RASEF: variants seen among roughly 807,000 people sequenced by gnomAD.
RASEF encodes the protein RAS and EF-hand domain containing, also known as ras and EF-hand domain-containing protein.
RASEF carries 68 observed loss-of-function variants against 90.1 expected under a neutral mutation model. The observed-to-expected ratio is 0.75, with a 90% CI of 0.62 to 0.92. The LOEUF (loss-of-function observed/expected upper bound fraction) is 0.92, where lower values mean the gene tolerates loss of function less well. Ranked by LOEUF, RASEF falls within the 40% of genes least tolerant of loss-of-function variation. The pLI, the probability that RASEF is intolerant of heterozygous loss-of-function variation, is 0.00. For missense variants in RASEF, 949 were observed against 937.2 expected (o/e 1.01, Z -0.16); for synonymous variants, 331 against 345.2 (o/e 0.96, Z 0.46).
chr9:83,160,745 G>C, the RASEF span, among the ~76,000 whole-genome samples: 3 of 152,152 alleles, frequency 2.0e-5, no homozygotes, highest in Non-Finnish European at 4.4e-5. Context: ...TACCACCACA[G>C]GCCCAGAGGC....
At chr9:83,129,415 A>T in the RASEF span, among the ~76,000 whole-genome samples, 1 of 152,212 alleles carries the variant, frequency 6.6e-6, no homozygotes, top group East Asian at 1.9e-4. Flanking sequence ...TCAAAAAAAA[A>T]AAAAAAAGTC....
chr9:83,174,429 A>C, the RASEF span, among the ~76,000 whole-genome samples: 1 of 152,060 alleles, frequency 6.6e-6, no homozygotes, highest in Non-Finnish European at 1.5e-5. Context: ...TTGAATTAAT[A>C]CTCTTGTAAA....
intron 12 of RASEF, among the ~76,000 whole-genome samples, chr9:82,999,881 G>T (rs536064086): frequency 9.9e-5 from 15 of 152,070 alleles, no homozygotes; most frequent in Admixed American, 5.9e-4. Context: ...TGGGATTACA[G>T]GCATGAACCA....
At chr9:83,017,817 T>G (rs1229636602) in intron 3 of RASEF, among the ~76,000 whole-genome samples, 1 of 152,218 alleles carries the variant, frequency 6.6e-6, no homozygotes, top group Admixed American at 6.5e-5. Flanking sequence ...GCAAACTGAA[T>G]TCAACAATCT....
At chr9:83,145,801 G>A in the RASEF span, among the ~76,000 whole-genome samples, 1 of 152,048 alleles carries the variant, frequency 6.6e-6, no homozygotes, top group Admixed American at 6.6e-5. Flanking sequence ...CATCTTATGT[G>A]CTATTAAGAT....
At chr9:83,160,800 T>A in the RASEF span, among the ~76,000 whole-genome samples, 1 of 152,172 alleles carries the variant, frequency 6.6e-6, no homozygotes, top group Non-Finnish European at 1.5e-5. Context: ...GTCCCTGTGC[T>A]GTGTGCAGCC....
the RASEF span, among the ~76,000 whole-genome samples, chr9:83,079,473 G>A: frequency 3.9e-4 from 60 of 152,160 alleles, no homozygotes; most frequent in African/African-American, 1.4e-3. Context: ...GAAGTCGGGT[G>A]ATACCACACA....
intron 1 of RASEF, 27 bp downstream of exon 1, chr9:83,062,409 AC>A: frequency 1.2e-6 from 2 of 1,607,086 alleles, no homozygotes; most frequent in Admixed American, 1.7e-5. Flanking sequence ...CGCCAGAATA[AC>A]CTCCCGCCCC....
chr9:83,133,289 A>G, the RASEF span, among the ~76,000 whole-genome samples: 36 of 152,292 alleles, frequency 2.4e-4, 1 homozygote, highest in East Asian at 6.6e-3. Context: ...CTCCAACACT[A>G]GTGATTAGGA....
At chr9:83,186,024 T>C in the RASEF span, among the ~76,000 whole-genome samples, 25 of 152,182 alleles carry the variant, frequency 1.6e-4, no homozygotes, top group Non-Finnish European at 3.5e-4. Flanking sequence ...CGTTTTCCCT[T>C]TCAACTGAGT....
At chr9:83,087,361 A>G in the RASEF span, among the ~76,000 whole-genome samples, 1 of 150,716 alleles carries the variant, frequency 6.6e-6, no homozygotes, top group Non-Finnish European at 1.5e-5. Context: ...TGCCTTTATC[A>G]GAAGAGACAC....
At chr9:83,055,767 T>C in intron 1 of RASEF, 1 of 664,860 alleles carries the variant, frequency 1.5e-6, no homozygotes. Flanking sequence ...ATTGCCAAAA[T>C]GAAAATAAGA....
chr9:83,113,927 C>T, the RASEF span, among the ~76,000 whole-genome samples: 1 of 152,054 alleles, frequency 6.6e-6, no homozygotes, highest in Non-Finnish European at 1.5e-5. Context: ...GTTTGTACAC[C>T]CCCTCTCCTT....
the RASEF span, among the ~76,000 whole-genome samples, chr9:83,160,462 T>C: frequency 1.3e-5 from 2 of 152,088 alleles, no homozygotes; most frequent in Non-Finnish European, 2.9e-5. Context: ...AGAGAGATGA[T>C]TTAGGGTTGG....
At chr9:83,092,659 A>C in the RASEF span, among the ~76,000 whole-genome samples, 1 of 152,106 alleles carries the variant, frequency 6.6e-6, no homozygotes, top group Non-Finnish European at 1.5e-5. Flanking sequence ...CAAAGCTTCC[A>C]CTGTGTGGAA....
chr9:83,049,413 A>T, intron 1 of RASEF: 1 of 809,278 alleles, frequency 1.2e-6, no homozygotes, highest in Non-Finnish European at 1.5e-6. Context: ...TATGATCAAA[A>T]GCCCATTCTC....
At chr9:83,163,402 T>C in the RASEF span, among the ~76,000 whole-genome samples, 1 of 152,220 alleles carries the variant, frequency 6.6e-6, no homozygotes, top group South Asian at 2.1e-4. Context: ...GACTCAGAAA[T>C]GGCAGGGATG....
At chr9:83,019,722 G>A (rs555113717) in intron 3 of RASEF, among the ~76,000 whole-genome samples, 6 of 152,314 alleles carry the variant, frequency 3.9e-5, no homozygotes, top group East Asian at 1.9e-4. Context: ...GTACCCCTAC[G>A]TAATAGAATA....
chr9:83,034,905 T>A (rs1829712425), intron 1 of RASEF, among the ~76,000 whole-genome samples: 1 of 152,162 alleles, frequency 6.6e-6, no homozygotes, highest in Non-Finnish European at 1.5e-5. Context: ...TGGTACAATG[T>A]TGGTAATCAG....
Sources: allele counts gnomAD v4.1 joint callset (sites outside exome capture counted in the v4.1 genomes callset), GRCh38; gene constraint gnomAD v4.1.1; transcripts MANE v1.5; gene names NCBI Gene and HGNC (gene_info 2026-07-23, HGNC 2026-07-21).